FAM184B: variants seen among roughly 807,000 people sequenced by gnomAD.
FAM184B encodes protein FAM184B.
Under a neutral mutation model 135.9 loss-of-function variants are expected in FAM184B, and 111 were observed. The observed-to-expected ratio is 0.82, with a 90% CI of 0.70 to 0.96. The LOEUF (loss-of-function observed/expected upper bound fraction) is 0.96. Among genes scored for constraint, FAM184B ranks in the 40% least tolerant of loss-of-function variants. The probability of loss-of-function intolerance (pLI) is 0.00; values close to 1 mark genes in which losing one functional copy is unlikely to be tolerated. For missense variants in FAM184B, 1,375 were observed against 1,323.9 expected (o/e 1.04, Z -0.60); for synonymous variants, 552 against 524.8 (o/e 1.05, Z -0.71).
intron 1 of FAM184B, among the ~76,000 whole-genome samples, chr4:17,747,946 A>AT (rs1384683478): frequency 9.0e-5 from 13 of 144,446 alleles, no homozygotes; most frequent in African/African-American, 3.3e-4. Flanking sequence ...AAAAAAAAAA[A>AT]AATTCAAAAA....
intron 1 of FAM184B, among the ~76,000 whole-genome samples, chr4:17,727,303 G>A (rs1717664300): frequency 6.6e-6 from 1 of 152,180 alleles, no homozygotes; most frequent in South Asian, 2.1e-4. Context: ...GGACACCAGA[G>A]GAGGCACCAG....
At chr4:17,636,729 C>G (rs1715151325) in intron 14 of FAM184B, 84 bp from the exon 15 acceptor site, 1 of 1,172,090 alleles carries the variant, frequency 8.5e-7, no homozygotes, top group Non-Finnish European at 1.2e-6. Flanking sequence ...GATGGGAATG[C>G]CATCCTGTGT....
intron 12 of FAM184B, among the ~76,000 whole-genome samples, chr4:17,643,642 A>G (rs116801585): frequency 0.015 from 2,320 of 152,280 alleles, 68 homozygotes; most frequent in African/African-American, 0.053. Flanking sequence ...AGACCTAACC[A>G]CTGGGCTAAC....
At chr4:17,652,740 C>T (rs2108937613) in intron 11 of FAM184B, 90 bp downstream of exon 11, 1 of 1,446,880 alleles carries the variant, frequency 6.9e-7, no homozygotes, top group African/African-American at 1.4e-5. Flanking sequence ...CCCGAGAACC[C>T]TGGAGCCCTG....
intron 1 of FAM184B, among the ~76,000 whole-genome samples, chr4:17,771,879 A>T (rs1357698422): frequency 6.6e-6 from 1 of 152,382 alleles, no homozygotes; most frequent in African/African-American, 2.4e-5. Context: ...GTGTTGGGTT[A>T]TAAGTGACTT....
chr4:17,644,434 C>T (rs2108932345), intron 12 of FAM184B, among the ~76,000 whole-genome samples: 1 of 152,302 alleles, frequency 6.6e-6, no homozygotes, highest in South Asian at 2.1e-4. Flanking sequence ...GTTCAATATA[C>T]ACAAATCAAT....
chr4:17,652,467 G>T (rs778719262), intron 11 of FAM184B, among the ~76,000 whole-genome samples: 31 of 152,176 alleles, frequency 2.0e-4, no homozygotes, highest in Non-Finnish European at 3.4e-4. Flanking sequence ...GAGCCTATGA[G>T]GTAGGGACAA....
At chr4:17,680,868 C>A (rs1265030778) in intron 7 of FAM184B, among the ~76,000 whole-genome samples, 2 of 152,118 alleles carry the variant, frequency 1.3e-5, no homozygotes, top group Non-Finnish European at 2.9e-5. Flanking sequence ...AAAGAAACAC[C>A]CACGCCCAGG....
intron 7 of FAM184B, among the ~76,000 whole-genome samples, chr4:17,677,241 T>C (rs1047419696): frequency 1.3e-5 from 2 of 152,060 alleles, no homozygotes; most frequent in Non-Finnish European, 2.9e-5. Flanking sequence ...AGAGATGGGG[T>C]TTTGCCGTGT....
chr4:17,650,343 A>G (rs906070853), intron 11 of FAM184B, among the ~76,000 whole-genome samples: 1 of 152,194 alleles, frequency 6.6e-6, no homozygotes, highest in Non-Finnish European at 1.5e-5. Flanking sequence ...AATATCTCAT[A>G]TCAACCTGCC....
chr4:17,698,217 G>C (rs1716908311), intron 5 of FAM184B, among the ~76,000 whole-genome samples: 1 of 152,158 alleles, frequency 6.6e-6, no homozygotes, highest in Admixed American at 6.5e-5. Context: ...AGAATTCACA[G>C]AGCATTTTCA....
chr4:17,693,901 C>T (rs142415349), intron 5 of FAM184B, among the ~76,000 whole-genome samples: 110 of 151,466 alleles, frequency 7.3e-4, no homozygotes, highest in African/African-American at 2.3e-3. Context: ...TGCTTGAGTC[C>T]GGGGGTTCGA....
chr4:17,707,174 T>A (rs1717138803), intron 3 of FAM184B, among the ~76,000 whole-genome samples: 2 of 152,166 alleles, frequency 1.3e-5, no homozygotes, highest in African/African-American at 4.8e-5. Flanking sequence ...TGGGCTGAAG[T>A]AGCCCTCCCT....
intron 7 of FAM184B, among the ~76,000 whole-genome samples, chr4:17,687,330 C>T (rs1411523418): frequency 1.3e-5 from 2 of 152,100 alleles, no homozygotes; most frequent in East Asian, 1.9e-4. Flanking sequence ...AATTGAAGGC[C>T]GTGAGTTTTT....
chr4:17,725,998 A>G (rs1717631454), intron 1 of FAM184B, among the ~76,000 whole-genome samples: 1 of 150,776 alleles, frequency 6.6e-6, no homozygotes, highest in Admixed American at 6.6e-5. Context: ...ATCTCTGCTC[A>G]CTGTAAGCTC....
intron 12 of FAM184B, among the ~76,000 whole-genome samples, chr4:17,644,523 C>G (rs1471124077): frequency 6.6e-6 from 1 of 152,132 alleles, no homozygotes; most frequent in Non-Finnish European, 1.5e-5. Context: ...AGGCCTTTGA[C>G]AAAATTCAAC....
intron 5 of FAM184B, among the ~76,000 whole-genome samples, chr4:17,694,204 T>C (rs1716802035): frequency 1.3e-5 from 2 of 151,988 alleles, no homozygotes; most frequent in Non-Finnish European, 1.5e-5. Context: ...TAGTAAAGGA[T>C]TGGTAGATGA....
At chr4:17,744,907 A>G (rs1718127159) in intron 1 of FAM184B, among the ~76,000 whole-genome samples, 1 of 152,174 alleles carries the variant, frequency 6.6e-6, no homozygotes, top group South Asian at 2.1e-4. Flanking sequence ...AGGCAGCTGG[A>G]AGAGGTGAAG....
intron 1 of FAM184B, among the ~76,000 whole-genome samples, chr4:17,773,251 TGTCA>T (rs1718857759): frequency 6.6e-6 from 1 of 152,172 alleles, no homozygotes; most frequent in South Asian, 2.1e-4. Flanking sequence ...TGAGTAAGTA[TGTCA>T]AAGGCTTTGC....
Sources: gnomAD v4.1 joint callset for allele counts (sites outside exome capture counted in the v4.1 genomes callset) on GRCh38, gnomAD v4.1.1 for gene constraint, MANE v1.5 for transcripts, NCBI Gene and HGNC (gene_info 2026-07-23, HGNC 2026-07-21) for gene names.